Variants in METTL25 observed in about 807,000 individuals in gnomAD.
The protein encoded by METTL25 is probable methyltransferase-like protein 25.
METTL25 carries 64 observed loss-of-function variants against 71.6 expected under a neutral mutation model. The observed-to-expected ratio is 0.89, with a 90% CI of 0.73 to 1.10. METTL25 has a LOEUF of 1.10. Among genes scored for constraint, METTL25 ranks in the 50% least tolerant of loss-of-function variants. The pLI is 0.00. For missense variants in METTL25, 807 were observed against 707.0 expected (o/e 1.14, Z -1.60); for synonymous variants, 287 against 250.3 (o/e 1.15, Z -1.38).
intron 9 of METTL25, among the ~76,000 whole-genome samples, chr12:82,469,183 A>G (rs1008053018): frequency 2.0e-5 from 3 of 152,114 alleles, no homozygotes; most frequent in African/African-American, 7.2e-5. Flanking sequence ...GGTGTTTCTC[A>G]CTTTTTTGGA....
At position 82,386,452 on chromosome 12, in the gene METTL25, TCC is replaced by T. The variant is rs1885018204; in HGVS notation, c.260-349_260-348del. Among the ~76,000 whole-genome samples the T allele has an allele frequency of 4.9e-3, 262 of 53,488 alleles. 1 individual carries two copies. Among genetic ancestry groups the T allele is most frequent in the African/African-American group, 0.019 (250 of 12,908 alleles). 35.1% of individuals were successfully genotyped at this position (53,488 alleles called of 152,430 possible). ...CTTCCTCCCTCCCTCCCTCCCTCCC[TCC>T]CTCTCTCTCTCCCTTCCTCCCTCCC... On this transcript the variant is annotated intron_variant, in intron 1 of 11. Transcript: ENST00000248306.
chr12:82,424,542 CTATATA>C (rs34300467), intron 5 of METTL25, among the ~76,000 whole-genome samples: 10 of 148,742 alleles, frequency 6.7e-5, no homozygotes, highest in African/African-American at 2.5e-4. Context: ...TAATATAAAA[CTATATA>C]TATATATATA....
Position 82,386,792 on chromosome 12 carries a change from C to G in METTL25, c.260-11C>G, listed in dbSNP as rs111954376. On this transcript the variant is annotated splice_polypyrimidine_tract_variant and intron_variant, in intron 1 of 11. Coordinates refer to ENST00000248306, the MANE Select transcript of METTL25 (RefSeq NM_032230.3). Reference sequence around the variant, plus strand: ...TATTGCTGAAGACTTTTTCTGTCTTCACTTTTTTAGGTATGACTGATTTTC... The same window carrying G: ...TATTGCTGAAGACTTTTTCTGTCTTGACTTTTTTAGGTATGACTGATTTTC... The G allele has an allele frequency of 4.2e-5, 68 of 1,609,356 alleles. No homozygotes were observed. Among genetic ancestry groups the G allele is most frequent in the Non-Finnish European group, 5.4e-5 (63 of 1,177,420 alleles).
chr12:82,433,534 A>G lies in METTL25; in HGVS notation c.1375-1161A>G, dbSNP rs76092037. Among the ~76,000 whole-genome samples, 152 of 151,728 alleles carry G rather than the reference A, an allele frequency of 1.0e-3. 1 individual carries two copies. The highest frequency in any genetic ancestry group is 3.3e-3 in the South Asian group (16 of 4,822). Reference sequence around the variant, plus strand: ...TTTCCGTGAAGCCAGTTTTCATGCAATGAACTCTTTTTCCCACTAACTCCA... The same window carrying G: ...TTTCCGTGAAGCCAGTTTTCATGCAGTGAACTCTTTTTCCCACTAACTCCA... On this transcript the variant is annotated intron_variant, in intron 6 of 11. Coordinates refer to ENST00000248306, the MANE Select transcript of METTL25 (RefSeq NM_032230.3).
chr12:82,373,598 C>T (rs1883500918), intron 1 of METTL25, among the ~76,000 whole-genome samples: 2 of 152,078 alleles, frequency 1.3e-5, no homozygotes, highest in African/African-American at 4.8e-5. Flanking sequence ...AGGCAAGGGT[C>T]AGGATAGATA....
intron 5 of METTL25, among the ~76,000 whole-genome samples, chr12:82,426,810 T>A (rs1372040673): frequency 6.6e-6 from 1 of 151,938 alleles, no homozygotes; most frequent in African/African-American, 2.4e-5. Context: ...TGCCCATATC[T>A]TCGCTTTATC....
intron 8 of METTL25, among the ~76,000 whole-genome samples, chr12:82,444,451 C>G (rs1890596368): frequency 6.6e-6 from 1 of 152,140 alleles, no homozygotes; most frequent in Non-Finnish European, 1.5e-5. Context: ...ACAGGAAAAT[C>G]AGCTGAAGGT....
intron 1 of METTL25, among the ~76,000 whole-genome samples, chr12:82,362,703 A>G (rs900286596): frequency 2.6e-5 from 4 of 152,178 alleles, no homozygotes; most frequent in African/African-American, 9.7e-5. Flanking sequence ...GTTTCAAATC[A>G]CCTGGTTTCT....
At position 82,358,761 on chromosome 12, in the gene METTL25, G is replaced by A; in HGVS notation, c.196G>A (p.Ala66Thr). ...AGTGCTGGCTGCGCTGAGGAAGTCAGCGTCGGAGACGGAGGCCCTGCCCTC... is the reference window on the plus strand; with the variant it reads ...AGTGCTGGCTGCGCTGAGGAAGTCAACGTCGGAGACGGAGGCCCTGCCCTC... ...ETVLAALRKSASETEALPSET... is the reference protein window; with the variant it reads ...ETVLAALRKSTSETEALPSET... Residue 66 changes from alanine to threonine, a missense_variant, in exon 1 of 12, where the codon GCG becomes ACG. Ala to Thr is a moderately conservative substitution (Grantham distance 58, BLOSUM62 0). Coordinates refer to ENST00000248306, the MANE Select transcript of METTL25 (RefSeq NM_032230.3). The A allele has an allele frequency of 7.4e-6, 12 of 1,614,016 alleles. No homozygotes were observed. Among genetic ancestry groups the A allele is most frequent in the Non-Finnish European group, 1.0e-5 (12 of 1,179,998 alleles).
intron 1 of METTL25, among the ~76,000 whole-genome samples, chr12:82,365,366 A>G (rs1051430301): frequency 1.3e-5 from 2 of 152,240 alleles, no homozygotes; most frequent in African/African-American, 2.4e-5. Context: ...GAATTTGGAC[A>G]TAAAATCAGA....
At chr12:82,450,999 T>G (rs1891108635) in intron 8 of METTL25, among the ~76,000 whole-genome samples, 1 of 152,186 alleles carries the variant, frequency 6.6e-6, no homozygotes, top group Non-Finnish European at 1.5e-5. Flanking sequence ...CATGTTTTAT[T>G]TATTTGTGTT....
rs376866188 is a variant in METTL25, at chr12:82,424,432, T to C, written c.1280-6461T>C. Among the ~76,000 whole-genome samples, 12 of 152,236 alleles carry C rather than the reference T, an allele frequency of 7.9e-5. No individual in the cohort carries two copies. The South Asian group carries it at 2.5e-3, about 32-fold the overall frequency. ...GGATAGCATTAGGAGATATACCTAA[T>C]GTAAATGACGAGTTAATGGGTGCAG... On this transcript the variant is annotated intron_variant, in intron 5 of 11. Transcript: ENST00000248306.
intron 8 of METTL25, among the ~76,000 whole-genome samples, chr12:82,445,010 A>G (rs893265968): frequency 1.3e-5 from 2 of 152,184 alleles, no homozygotes; most frequent in Admixed American, 1.3e-4. Context: ...TATAACATGT[A>G]CATCAAGAAA....
chr12:82,449,717 C>G (rs1891001000), intron 8 of METTL25, among the ~76,000 whole-genome samples: 1 of 152,056 alleles, frequency 6.6e-6, no homozygotes, highest in African/African-American at 2.4e-5. Flanking sequence ...CCTCTGCTAC[C>G]TTCTGAGCTC....
At chr12:82,374,597 G>A (rs557681032) in intron 1 of METTL25, among the ~76,000 whole-genome samples, 1 of 152,292 alleles carries the variant, frequency 6.6e-6, no homozygotes, top group Admixed American at 6.5e-5. Context: ...CAATAGAAAA[G>A]TTCTCCAAGT....
At chr12:82,468,333 T>C (rs1169894082) in intron 9 of METTL25, 2 of 152,168 alleles carry the variant, frequency 1.3e-5, no homozygotes, top group Non-Finnish European at 2.9e-5. Context: ...AGAATGGAAT[T>C]CTGGGAGAAA....
At position 82,358,571 on chromosome 12, in the gene METTL25, G is replaced by A; in HGVS notation, c.6G>A (p.Ala2=). The A allele has an allele frequency of 6.2e-7, 1 of 1,610,328 alleles. No individual in the cohort carries two copies. The highest frequency in any genetic ancestry group is 8.5e-7 in the Non-Finnish European group (1 of 1,179,440). ...AGCCTCGGAGGGTGAGCGTCATGGC[G>A]GCTTCTTGCCCTCTCCCGGTGACCC... is the stretch of plus-strand genomic sequence containing the variant. M[A]ASCPLPVTPD... Residue 2 remains alanine (A), a synonymous_variant, in exon 1 of 12, where the codon GCG becomes GCA. Transcript: ENST00000248306.
chr12:82,368,168 T>C (rs1433689064), intron 1 of METTL25, among the ~76,000 whole-genome samples: 5 of 152,074 alleles, frequency 3.3e-5, no homozygotes, highest in African/African-American at 9.7e-5. Flanking sequence ...AGCTGTGTTA[T>C]CTTGCACAGG....
In METTL25 at chr12:82,460,669, G is replaced by T. The variant is rs112751310; in HGVS notation, c.1572+3849G>T. ...GATCAGTACTTCTCAAAACTGTCAA[G>T]GTCTGCAAATCAAGACAAGTTTGAG... On this transcript the variant is annotated intron_variant, in intron 9 of 11. Transcript: ENST00000248306. Among the ~76,000 whole-genome samples the T allele has an allele frequency of 3.0e-3, 459 of 152,272 alleles. 3 individuals are homozygous for T. The highest frequency in any genetic ancestry group is 0.011 in the African/African-American group (442 of 41,546).
Sources: gnomAD v4.1 joint callset for allele counts (sites outside exome capture counted in the v4.1 genomes callset) on GRCh38, gnomAD v4.1.1 for gene constraint, MANE v1.5 for transcripts, NCBI Gene and HGNC (gene_info 2026-07-23, HGNC 2026-07-21) for gene names.